The following SSPN variants were observed in gnomAD, a reference collection of about 807,000 sequenced individuals.
The protein encoded by SSPN is K-ras oncogene-associated protein.
A neutral mutation model predicts 19.1 loss-of-function variants in SSPN; 15 were observed. That is an observed-to-expected ratio of 0.78 (90% confidence interval 0.52 to 1.21). SSPN has a LOEUF of 1.21. Among genes scored for constraint, SSPN ranks in the 50% most tolerant of loss-of-function variants. The pLI is 0.00. For synonymous variants in SSPN, 147 were observed against 140.3 expected (o/e 1.05, Z -0.34); for missense variants, 291 against 314.0 (o/e 0.93, Z 0.55).
At chr12:26,211,621 C>G (rs1471631805) in intron 1 of SSPN, 4 of 152,194 alleles carry the variant, frequency 2.6e-5, no homozygotes, top group Admixed American at 2.0e-4. Context: ...AGCTGCTGGT[C>G]ACAAGTTCCA....
chr12:26,217,007 G>A (rs1163093042), intron 1 of SSPN, among the ~76,000 whole-genome samples: 16 of 146,842 alleles, frequency 1.1e-4, no homozygotes, highest in South Asian at 2.4e-4. Flanking sequence ...GTCAGGTAGT[G>A]TGATGCCTCC....
intron 1 of SSPN, among the ~76,000 whole-genome samples, chr12:26,167,653 C>G (rs371792544): frequency 6.6e-6 from 1 of 152,130 alleles, no homozygotes; most frequent in African/African-American, 2.4e-5. Context: ...CTGCGTAGAC[C>G]GCAACTCTCT....
In SSPN at chr12:26,136,509, C is replaced by T. The variant is rs568738628; in HGVS notation, c.-31+14357C>T. On this transcript the variant is annotated intron_variant, in intron 1 of 2. Coordinates refer to the SSPN transcript ENST00000538142. ...TGTTTATTGCGTGTCCATGACAATG[C>T]GCAGAGAACACCCCCATCCTAGTAG... Among the ~76,000 whole-genome samples the T allele has an allele frequency of 3.3e-5, 5 of 152,256 alleles. No homozygotes were observed. In the East Asian group the frequency reaches 5.8e-4, roughly 18 times the overall value.
chr12:26,168,480 T>C (rs186569692), intron 1 of SSPN, among the ~76,000 whole-genome samples: 3 of 152,358 alleles, frequency 2.0e-5, no homozygotes, highest in African/African-American at 7.2e-5. Context: ...TGTTGCTCCG[T>C]ATGAATAAAA....
intron 1 of SSPN, among the ~76,000 whole-genome samples, chr12:26,215,838 G>A (rs1039693745): frequency 2.6e-5 from 4 of 152,200 alleles, no homozygotes; most frequent in African/African-American, 9.7e-5. Context: ...AAGACATGGG[G>A]ATTTCTCCCC....
At chr12:26,177,953 T>C (rs1325595764) in intron 1 of SSPN, among the ~76,000 whole-genome samples, 1 of 152,226 alleles carries the variant, frequency 6.6e-6, no homozygotes, top group African/African-American at 2.4e-5. Context: ...ATGGTCCAAA[T>C]TGTCATTTGA....
chr12:26,126,933 C>T (rs988672632), intron 1 of SSPN, among the ~76,000 whole-genome samples: 2 of 152,208 alleles, frequency 1.3e-5, no homozygotes, highest in African/African-American at 4.8e-5. Flanking sequence ...CGACCTCTCT[C>T]CTATTTCCAA....
chr12:26,183,972 G>A (rs1185415571), intron 1 of SSPN, among the ~76,000 whole-genome samples: 1 of 152,214 alleles, frequency 6.6e-6, no homozygotes, highest in Admixed American at 6.5e-5. Context: ...AGCCTTCTAA[G>A]GGAGCAGCCC....
Position 26,231,001 on chromosome 12 carries a change from T to A in SSPN, c.657T>A (p.His219Gln). 6.2e-7 allele frequency: 1 copy of A among 1,614,204 alleles called. No homozygotes were observed. Among genetic ancestry groups the A allele is most frequent in the East Asian group, 2.2e-5 (1 of 44,882 alleles). ...CLLACFVMWK[H>Q]RYQVFYVGVR... ...TGGCCTGCTTTGTGATGTGGAAACA[T>A]AGGTACCAGGTCTTCTATGTGGGTG... Residue 219 changes from histidine (H) to glutamine (Q), a missense_variant, in exon 3 of 3, where the codon CAT becomes CAA. Transcript: ENST00000242729.
chr12:26,155,625 A>G (rs1944551536), intron 1 of SSPN, among the ~76,000 whole-genome samples: 1 of 152,202 alleles, frequency 6.6e-6, no homozygotes. Flanking sequence ...AGGAAGAGTT[A>G]ATCTGAAAGA....
At chr12:26,206,729 T>A (rs1028617365) in intron 1 of SSPN, among the ~76,000 whole-genome samples, 3 of 152,232 alleles carry the variant, frequency 2.0e-5, no homozygotes, top group African/African-American at 7.2e-5. Flanking sequence ...CCACAAATAC[T>A]GTTTGTAACA....
intron 1 of SSPN, among the ~76,000 whole-genome samples, chr12:26,219,919 G>T (rs1945100982): frequency 6.6e-6 from 1 of 152,026 alleles, no homozygotes; most frequent in African/African-American, 2.4e-5. Flanking sequence ...TGTGCCATGG[G>T]CTTCACCTCA....
chr12:26,167,029 G>A (rs962193499), intron 1 of SSPN, among the ~76,000 whole-genome samples: 1 of 152,068 alleles, frequency 6.6e-6, no homozygotes, highest in Non-Finnish European at 1.5e-5. Flanking sequence ...AAAACTGAGG[G>A]CAATAACTAG....
chr12:26,154,362 C>T (rs1944543967), intron 1 of SSPN, among the ~76,000 whole-genome samples: 2 of 152,196 alleles, frequency 1.3e-5, no homozygotes, highest in African/African-American at 4.8e-5. Flanking sequence ...CACTGAGCAA[C>T]AACCTATAGA....
intron 1 of SSPN, among the ~76,000 whole-genome samples, chr12:26,167,654 G>A (rs7978769): frequency 0.23 from 34,288 of 152,080 alleles, 4,056 homozygotes; most frequent in East Asian, 0.35. Context: ...TGCGTAGACC[G>A]CAACTCTCTC....
chr12:26,128,667 T>C (rs1484557120), intron 1 of SSPN, among the ~76,000 whole-genome samples: 2 of 152,252 alleles, frequency 1.3e-5, no homozygotes, highest in Non-Finnish European at 2.9e-5. Context: ...CTTATCTTTT[T>C]AGGAAAGCTT....
At chr12:26,156,963 C>A (rs1371208349) in intron 1 of SSPN, among the ~76,000 whole-genome samples, 1 of 152,110 alleles carries the variant, frequency 6.6e-6, no homozygotes, top group African/African-American at 2.4e-5. Context: ...GAACACTGTA[C>A]CATTTTCATT....
At chr12:26,182,396 G>A (rs1401473063) in intron 1 of SSPN, among the ~76,000 whole-genome samples, 3 of 152,132 alleles carry the variant, frequency 2.0e-5, no homozygotes, top group Non-Finnish European at 4.4e-5. Context: ...TAAGTAATAA[G>A]AATGATATTA....
At chr12:26,148,568 G>A (rs1324931444) in intron 1 of SSPN, among the ~76,000 whole-genome samples, 2 of 152,078 alleles carry the variant, frequency 1.3e-5, no homozygotes, top group African/African-American at 2.4e-5. Context: ...TCTACTTAAC[G>A]TTTTACGATT....
Sources: allele counts gnomAD v4.1 joint callset (sites outside exome capture counted in the v4.1 genomes callset), GRCh38; gene constraint gnomAD v4.1.1; transcripts MANE v1.5; gene names NCBI Gene and HGNC (gene_info 2026-07-23, HGNC 2026-07-21).